TOX3: variants seen among roughly 807,000 people sequenced by gnomAD.
TOX3 encodes TOX high mobility group box family member 3.
In TOX3, 22 loss-of-function variants were observed where a neutral mutation model predicts 64.3. The ratio of observed to expected loss-of-function variants is 0.34; its 90% CI spans 0.24 to 0.49. The LOEUF (loss-of-function observed/expected upper bound fraction) is 0.49. Among genes scored for constraint, TOX3 ranks in the 20% least tolerant of loss-of-function variants. TOX3 has a pLI of 0.99. For missense variants in TOX3, 661 were observed against 714.4 expected (o/e 0.93, Z 0.85); for synonymous variants, 291 against 273.6 (o/e 1.06, Z -0.63).
intron 1 of TOX3, among the ~76,000 whole-genome samples, chr16:52,491,185 C>T (rs1005496322): frequency 6.6e-6 from 1 of 152,098 alleles, no homozygotes; most frequent in Non-Finnish European, 1.5e-5. Flanking sequence ...TCCTCCATTG[C>T]CAACCTCATC....
intron 1 of TOX3, among the ~76,000 whole-genome samples, chr16:52,501,736 C>T (rs1891822904): frequency 6.6e-6 from 1 of 151,964 alleles, no homozygotes. Flanking sequence ...CCTTAATGCT[C>T]ACTCCCTGAG....
At chr16:52,531,859 T>C (rs1962858638) in intron 1 of TOX3, among the ~76,000 whole-genome samples, 1 of 151,860 alleles carries the variant, frequency 6.6e-6, no homozygotes, top group Non-Finnish European at 1.5e-5. Flanking sequence ...TACTGATGGC[T>C]GAAAGAAAAG....
rs564281553 is a variant in TOX3 at position 52,442,997 on chromosome 16, A to T, written c.987+1279T>A. The stretch of plus-strand genomic sequence containing the variant: ...CCCAATCATGGTTAATATTCCCTGA[A>T]TGCCTTTTGAGATACCGGATCTTGG... On this transcript the variant is annotated intron_variant, in intron 6 of 6. Transcript: ENST00000219746. Among the ~76,000 whole-genome samples, 439 of 152,282 alleles carry T rather than the reference A, an allele frequency of 2.9e-3. 4 individuals carry two copies. The highest frequency in any genetic ancestry group is 0.028 in the South Asian group (133 of 4,814).
At chr16:52,461,603 GC>G (rs1339930112) in intron 3 of TOX3, among the ~76,000 whole-genome samples, 1 of 152,074 alleles carries the variant, frequency 6.6e-6, no homozygotes, top group Admixed American at 6.5e-5. Flanking sequence ...CAACAAGCTG[GC>G]TTTTCTTCTT....
intron 1 of TOX3, among the ~76,000 whole-genome samples, chr16:52,473,502 A>T (rs1961109162): frequency 6.6e-6 from 1 of 152,216 alleles, no homozygotes; most frequent in Non-Finnish European, 1.5e-5. Context: ...TGATGGATCA[A>T]GTGTGCCACG....
At chr16:52,490,820 G>A (rs45587038) in intron 1 of TOX3, among the ~76,000 whole-genome samples, 3 of 151,606 alleles carry the variant, frequency 2.0e-5, no homozygotes, top group Non-Finnish European at 4.4e-5. Flanking sequence ...GTAGAGACAA[G>A]GTTTCTCTAT....
At chr16:52,497,405 T>C (rs1961876561) in intron 1 of TOX3, among the ~76,000 whole-genome samples, 2 of 152,324 alleles carry the variant, frequency 1.3e-5, no homozygotes, top group African/African-American at 2.4e-5. Context: ...ATAGAAGCTA[T>C]ATACAGAGCA....
At chr16:52,441,902 G>A (rs1960002405) in intron 6 of TOX3, among the ~76,000 whole-genome samples, 1 of 152,140 alleles carries the variant, frequency 6.6e-6, no homozygotes, top group African/African-American at 2.4e-5. Flanking sequence ...CTTAGGGTAA[G>A]AAGCAGCCTA....
chr16:52,529,856 T>C (rs1311129699), intron 1 of TOX3, among the ~76,000 whole-genome samples: 1 of 152,220 alleles, frequency 6.6e-6, no homozygotes, highest in Non-Finnish European at 1.5e-5. Context: ...AAAAATGATG[T>C]TCACGAAACT....
intron 1 of TOX3, among the ~76,000 whole-genome samples, chr16:52,505,794 T>A (rs893107849): frequency 1.3e-5 from 2 of 152,034 alleles, no homozygotes; most frequent in African/African-American, 4.8e-5. Context: ...CTGGGCAACA[T>A]AGGGAGACCC....
rs964132856 is a variant in TOX3, at chr16:52,547,051, C to A, written c.-328G>T. ...CGGGTCGGCGAGGCGAGTTCAGGTG[C>A]GCTGGGCGAGGCTGGGACGGCGGCG... is the stretch of plus-strand genomic sequence containing the variant. On this transcript the variant is annotated 5_prime_UTR_variant, in exon 1 of 7. Transcript: ENST00000219746. The A allele has an allele frequency of 1.7e-4, 118 of 689,106 alleles. No homozygotes were observed. In the African/African-American group the frequency reaches 2.2e-3, roughly 13 times the overall value. The allele number at this position is 689,106 out of a possible 1,614,324, so 42.7% of individuals were successfully genotyped here. A position where few individuals can be genotyped will look rare whatever the true frequency, so the allele number is the denominator to read the frequency against.
chr16:52,445,835 T>G, intron 5 of TOX3, 159 bp downstream of exon 5: 205 of 673,700 alleles, frequency 3.0e-4, no homozygotes, highest in East Asian at 4.2e-4. Context: ...GGAGAGTTGT[T>G]TAGATTTATA....
intron 3 of TOX3, among the ~76,000 whole-genome samples, chr16:52,453,947 G>C (rs575027008): frequency 6.6e-6 from 1 of 152,302 alleles, no homozygotes; most frequent in South Asian, 2.1e-4. Context: ...TTTGTGCTAA[G>C]CTTAATATGC....
intron 5 of TOX3, 108 bp from the exon 6 acceptor site, chr16:52,444,464 G>T (rs375170700): frequency 1.1e-5 from 10 of 870,850 alleles, no homozygotes; most frequent in Non-Finnish European, 1.7e-5. Flanking sequence ...AAAAAGGTTG[G>T]TCTCCTTGGC....
At chr16:52,442,066 C>T (rs980784787) in intron 6 of TOX3, among the ~76,000 whole-genome samples, 1 of 152,198 alleles carries the variant, frequency 6.6e-6, no homozygotes. Context: ...TATTTCAACA[C>T]CTGGGCAGCT....
chr16:52,533,330 G>C (rs1596865720), intron 1 of TOX3, among the ~76,000 whole-genome samples: 1 of 152,202 alleles, frequency 6.6e-6, no homozygotes, highest in Non-Finnish European at 1.5e-5. Context: ...ATTCAAGTTT[G>C]AGAAGCTCTG....
At chr16:52,485,148 TGTG>T (rs2151452194) in intron 1 of TOX3, among the ~76,000 whole-genome samples, 2 of 91,162 alleles carry the variant, frequency 2.2e-5, no homozygotes, top group South Asian at 1.0e-3. Flanking sequence ...TGTGTATATG[TGTG>T]TGTATATATA....
chr16:52,522,364 T>C (rs751109114), intron 1 of TOX3, among the ~76,000 whole-genome samples: 2 of 152,168 alleles, frequency 1.3e-5, no homozygotes, highest in African/African-American at 2.4e-5. Flanking sequence ...TGTTAAAATA[T>C]CACAGAAATC....
chr16:52,491,567 T>A (rs1431157478), intron 1 of TOX3, among the ~76,000 whole-genome samples: 1 of 152,200 alleles, frequency 6.6e-6, no homozygotes, highest in South Asian at 2.1e-4. Context: ...TAACCTTGTT[T>A]GATCATCAGA....
Sources: gnomAD v4.1 joint callset for allele counts (sites outside exome capture counted in the v4.1 genomes callset) on GRCh38, gnomAD v4.1.1 for gene constraint, MANE v1.5 for transcripts, NCBI Gene and HGNC (gene_info 2026-07-23, HGNC 2026-07-21) for gene names.